Variants in TCAF1 observed in about 807,000 individuals in gnomAD.
TCAF1 encodes the protein TRPM8 channel associated factor 1, also known as TRPM8 channel-associated factor 1.
In TCAF1, 4 loss-of-function variants were observed where a neutral mutation model predicts 27.3. The ratio of observed to expected loss-of-function variants is 0.15; its 90% CI spans 0.07 to 0.34. The LOEUF is 0.34. TCAF1 is among the 10% of genes least tolerant of loss of function. The pLI, the probability that TCAF1 is intolerant of heterozygous loss-of-function variation, is 1.00. For missense variants in TCAF1, 257 were observed against 425.8 expected (o/e 0.60, Z 3.49); for synonymous variants, 105 against 167.1 (o/e 0.63, Z 2.87).
intron 1 of TCAF1, among the ~76,000 whole-genome samples, chr7:143,892,613 G>T (rs950720094): frequency 6.7e-6 from 1 of 149,916 alleles, no homozygotes; most frequent in South Asian, 2.1e-4. Flanking sequence ...CTGCTGCCTC[G>T]GCTCACTGCA....
intron 1 of TCAF1, among the ~76,000 whole-genome samples, chr7:143,877,886 C>T (rs1812802140): frequency 6.6e-6 from 1 of 152,196 alleles, no homozygotes; most frequent in African/African-American, 2.4e-5. Flanking sequence ...ATGCAGACAG[C>T]CCTTACAATT....
Position 143,876,504 on chromosome 7 carries a change from A to C in TCAF1, c.105T>G (p.Ala35=). The change falls in exon 2 of 9, where the codon GCT becomes GCG. Residue 35 remains alanine, a synonymous_variant. Coordinates refer to ENST00000479870, the MANE Select transcript of TCAF1 (RefSeq NM_014719.3). Reference sequence around the variant, plus strand: ...TGTCATTCACCATCACAGGAAATGAAGCCTCTCCAATAAGAAGCAGTTCAC... The same window carrying C: ...TGTCATTCACCATCACAGGAAATGACGCCTCTCCAATAAGAAGCAGTTCAC... ...VPCELLLIGE[A]SFPVMVNDMG... 5 of 1,583,772 alleles carry C rather than the reference A, an allele frequency of 3.2e-6. No homozygotes were observed. The highest frequency in any genetic ancestry group is 4.3e-6 in the Non-Finnish European group (5 of 1,168,110).
intron 1 of TCAF1, among the ~76,000 whole-genome samples, chr7:143,895,715 C>T (rs1562973723): frequency 6.6e-6 from 1 of 151,112 alleles, no homozygotes; most frequent in East Asian, 1.9e-4. Context: ...TATTAAATAA[C>T]AATAATCATT....
At chr7:143,896,044 TAC>T (rs1183522023) in intron 1 of TCAF1, among the ~76,000 whole-genome samples, 1 of 151,738 alleles carries the variant, frequency 6.6e-6, no homozygotes, top group East Asian at 1.9e-4. Context: ...ACAATAAATA[TAC>T]ACAGATTATT....
At chr7:143,884,932 G>A (rs16882579) in intron 1 of TCAF1, 90,113 of 910,744 alleles carry the variant, frequency 0.099, 4,704 homozygotes, top group African/African-American at 0.14. Flanking sequence ...CTGGTAGAAA[G>A]AAGCTGAAAT....
intron 1 of TCAF1, among the ~76,000 whole-genome samples, chr7:143,886,297 G>T (rs1463466331): frequency 3.3e-5 from 5 of 152,144 alleles, no homozygotes; most frequent in Admixed American, 6.5e-5. Context: ...GGACCAAACT[G>T]TTCTCTGGAA....
intron 1 of TCAF1, among the ~76,000 whole-genome samples, chr7:143,883,923 G>A (rs1156570490): frequency 6.6e-6 from 1 of 152,188 alleles, no homozygotes; most frequent in Non-Finnish European, 1.5e-5. Context: ...GGTGGTGACA[G>A]GGACCCAGAC....
At position 143,876,553 on chromosome 7, in the gene TCAF1, T is replaced by C. The variant is rs761032781; in HGVS notation, c.56A>G (p.Asp19Gly). ...ACATGGAACAGCATCTTCGGGTACA[T>C]CCCAGCTTGTCACACCATTCATAAG... ...EALMNGVTSW[D>G]VPEDAVPCEL... Residue 19 changes from aspartate (D) to glycine (G), a missense_variant, in exon 2 of 9, where the codon GAT becomes GGT. Around this residue, in one of 2 missense-constraint regions of TCAF1, gnomAD observed 255 missense variants for 260.1 expected, o/e 0.98. Transcript: ENST00000479870. The C allele has an allele frequency of 6.5e-6, 10 of 1,534,514 alleles. No homozygotes were observed. In the East Asian group the frequency reaches 2.3e-4, roughly 35 times the overall value.
chr7:143,884,995 C>T (rs1204661877), intron 1 of TCAF1: 1 of 985,268 alleles, frequency 1.0e-6, no homozygotes, highest in Non-Finnish European at 1.2e-6. Flanking sequence ...ACATCTACCT[C>T]CCTGGACCCA....
At chr7:143,883,043 G>A (rs949907911) in intron 1 of TCAF1, 11 of 181,336 alleles carry the variant, frequency 6.1e-5, no homozygotes, top group Admixed American at 2.6e-4. Context: ...ACCCCATCCT[G>A]GCAGTGTGGA....
chr7:143,895,482 T>G (rs1173872544), intron 1 of TCAF1, among the ~76,000 whole-genome samples: 2 of 151,826 alleles, frequency 1.3e-5, no homozygotes, highest in African/African-American at 4.8e-5. Context: ...GAATAGTGGT[T>G]ATTTTTGAGA....
At chr7:143,881,282 T>C (rs1375033529) in intron 1 of TCAF1, among the ~76,000 whole-genome samples, 1 of 152,220 alleles carries the variant, frequency 6.6e-6, no homozygotes, top group African/African-American at 2.4e-5. Flanking sequence ...GATGATTAAA[T>C]GACAGATGAG....
At chr7:143,897,257 C>A (rs532985894) in intron 1 of TCAF1, among the ~76,000 whole-genome samples, 1 of 149,956 alleles carries the variant, frequency 6.7e-6, no homozygotes, top group Non-Finnish European at 1.5e-5. Flanking sequence ...CTGCCACCCC[C>A]AAAGACAGCA....
At chr7:143,889,190 C>G (rs1813540461) in intron 1 of TCAF1, among the ~76,000 whole-genome samples, 1 of 151,880 alleles carries the variant, frequency 6.6e-6, no homozygotes, top group African/African-American at 2.4e-5. Flanking sequence ...GTGAGAAGAC[C>G]TAAGACACAT....
At chr7:143,894,359 T>C (rs1444625593) in intron 1 of TCAF1, among the ~76,000 whole-genome samples, 1 of 151,796 alleles carries the variant, frequency 6.6e-6, no homozygotes, top group East Asian at 1.9e-4. Context: ...CCCAACTCAT[T>C]TTTATTACAC....
In TCAF1 at chr7:143,876,379, A is replaced by G. The variant is rs1426955651; in HGVS notation, c.230T>C (p.Leu77Pro). The G allele has an allele frequency of 6.8e-6, 11 of 1,614,030 alleles. No homozygotes were observed. The South Asian group carries it at 1.1e-4, about 16-fold the overall frequency. The change falls in exon 2 of 9, where the codon CTC becomes CCC. Residue 77 changes from leucine to proline, a missense_variant. Physicochemically the swap from Leu to Pro is moderately conservative, Grantham distance 98. This residue lies in a region of TCAF1 where 255 missense variants were observed against 260.1 expected (regional missense o/e 0.98). Coordinates refer to ENST00000479870, the MANE Select transcript of TCAF1 (RefSeq NM_014719.3). ...GCAAAGCCACCCCACTGCGTTCAGG[A>G]GAAAGGGCGTGAGCTGGGCTTCCAC... ...YLVEAQLTPFLLNAVGWLCSS... is the reference protein window; with the variant it reads ...YLVEAQLTPFPLNAVGWLCSS...
At chr7:143,885,326 TAGG>T (rs1586787510) in intron 1 of TCAF1, 1 of 984,852 alleles carries the variant, frequency 1.0e-6, no homozygotes, top group African/African-American at 1.8e-5. Flanking sequence ...GTGAAGTGGC[TAGG>T]AGGAGGCGTG....
At chr7:143,901,618 G>A (rs1419012636) in intron 1 of TCAF1, among the ~76,000 whole-genome samples, 1 of 152,206 alleles carries the variant, frequency 6.6e-6, no homozygotes, top group Non-Finnish European at 1.5e-5. Context: ...ACGGAGACAA[G>A]CTAGCCTAGA....
chr7:143,891,945 G>A (rs1278828191), intron 1 of TCAF1, among the ~76,000 whole-genome samples: 1 of 151,834 alleles, frequency 6.6e-6, no homozygotes, highest in Non-Finnish European at 1.5e-5. Flanking sequence ...ATGAAAATAA[G>A]AACACAACAG....
Sources: gnomAD v4.1 joint callset for allele counts (sites outside exome capture counted in the v4.1 genomes callset) on GRCh38, gnomAD v4.1.1 for gene constraint, gnomAD v4.1.1 regional missense constraint, MANE v1.5 for transcripts, NCBI Gene and HGNC (gene_info 2026-07-23, HGNC 2026-07-21) for gene names.